ADAM18: variants seen among roughly 807,000 people sequenced by gnomAD.
ADAM18 encodes the protein disintegrin and metalloproteinase domain-containing protein 18.
Under a neutral mutation model 94.4 loss-of-function variants are expected in ADAM18, and 117 were observed. The ratio of observed to expected loss-of-function variants is 1.24; its 90% CI spans 1.07 to 1.45. ADAM18 has a LOEUF of 1.45. ADAM18 is among the 40% of genes most tolerant of loss of function. The pLI, the probability that ADAM18 is intolerant of heterozygous loss-of-function variation, is 0.00. For synonymous variants in ADAM18, 327 were observed against 291.6 expected, an observed-to-expected ratio of 1.12 and a Z score of -1.24; for missense variants, 936 against 880.0, an observed-to-expected ratio of 1.06 and a Z score of -0.81.
intron 12 of ADAM18, among the ~76,000 whole-genome samples, chr8:39,651,386 C>G (rs1311238736): frequency 7.2e-5 from 11 of 152,122 alleles, no homozygotes; most frequent in Non-Finnish European, 1.2e-4. Context: ...TGCCTTCCCA[C>G]GAGGCCATAT....
chr8:39,612,147 AG>A (rs964487780), intron 6 of ADAM18, among the ~76,000 whole-genome samples: 1 of 150,282 alleles, frequency 6.7e-6, no homozygotes, highest in African/African-American at 2.4e-5. Context: ...AAAAAAAGGG[AG>A]GGAGGAGAGC....
At chr8:39,668,227 C>T (rs372698607) in intron 14 of ADAM18, 31 bp downstream of exon 14, 1 of 1,601,748 alleles carries the variant, frequency 6.2e-7, no homozygotes, top group Non-Finnish European at 8.6e-7. Flanking sequence ...TTTATTTTAC[C>T]TTACATTTGC....
intron 19 of ADAM18, among the ~76,000 whole-genome samples, chr8:39,724,280 T>G (rs1822839940): frequency 6.6e-6 from 1 of 151,836 alleles, no homozygotes; most frequent in Non-Finnish European, 1.5e-5. Flanking sequence ...CTGTTCTTTA[T>G]TAAGTCATGT....
At chr8:39,590,308 C>A (rs1425380206) in intron 2 of ADAM18, among the ~76,000 whole-genome samples, 1 of 151,986 alleles carries the variant, frequency 6.6e-6, no homozygotes, top group Non-Finnish European at 1.5e-5. Context: ...AATTGGAAAT[C>A]ATCATTCTCA....
At chr8:39,712,017 C>T (rs578035092) in intron 18 of ADAM18, among the ~76,000 whole-genome samples, 1 of 142,406 alleles carries the variant, frequency 7.0e-6, no homozygotes, top group Non-Finnish European at 1.5e-5. Context: ...AAATGGTCAA[C>T]TAAAATCAGA....
chr8:39,671,755 G>A (rs192411631), intron 14 of ADAM18, among the ~76,000 whole-genome samples: 115 of 152,134 alleles, frequency 7.6e-4, no homozygotes, highest in African/African-American at 2.3e-3. Context: ...GCTATCCTTC[G>A]TGGCCACTAG....
intron 2 of ADAM18, among the ~76,000 whole-genome samples, chr8:39,585,721 A>C (rs904414525): frequency 2.6e-5 from 4 of 152,244 alleles, no homozygotes; most frequent in African/African-American, 9.6e-5. Flanking sequence ...AAATTTAGAC[A>C]TGCAAAATTT....
chr8:39,610,747 T>C (rs745481759), intron 6 of ADAM18, 41 bp downstream of exon 6: 7 of 1,571,018 alleles, frequency 4.5e-6, no homozygotes, highest in Admixed American at 3.7e-5. Context: ...ACTAGAACAT[T>C]GCCTGTGTAG....
At chr8:39,695,752 T>C (rs1315571328) in intron 17 of ADAM18, among the ~76,000 whole-genome samples, 1 of 151,376 alleles carries the variant, frequency 6.6e-6, no homozygotes, top group Non-Finnish European at 1.5e-5. Context: ...TGTTGTATCA[T>C]GTAGCAAAAT....
chr8:39,666,079 C>T (rs1820987350), intron 13 of ADAM18, among the ~76,000 whole-genome samples: 1 of 152,022 alleles, frequency 6.6e-6, no homozygotes, highest in African/African-American at 2.4e-5. Context: ...GCTCTGCTGC[C>T]CAGACTGGAG....
intron 2 of ADAM18, among the ~76,000 whole-genome samples, chr8:39,597,880 A>G (rs2129458198): frequency 6.6e-6 from 1 of 152,336 alleles, no homozygotes; most frequent in South Asian, 2.1e-4. Flanking sequence ...GGAAATAACT[A>G]ATGTCTTAAT....
At chr8:39,603,646 T>G (rs150193051) in intron 2 of ADAM18, among the ~76,000 whole-genome samples, 3 of 152,242 alleles carry the variant, frequency 2.0e-5, no homozygotes, top group African/African-American at 7.2e-5. Flanking sequence ...GGTTTGGAAA[T>G]AAACCTGCAA....
chr8:39,639,095 A>G (rs1820165574), intron 10 of ADAM18, among the ~76,000 whole-genome samples: 1 of 151,922 alleles, frequency 6.6e-6, no homozygotes, highest in Admixed American at 6.6e-5. Context: ...ATTTCTTTTC[A>G]AAGAAAAGTT....
At chr8:39,662,416 A>G (rs1191525383) in intron 12 of ADAM18, among the ~76,000 whole-genome samples, 1 of 152,178 alleles carries the variant, frequency 6.6e-6, no homozygotes, top group Non-Finnish European at 1.5e-5. Context: ...TTACATGCAT[A>G]CATATGAAAA....
At chr8:39,677,745 A>G (rs1821338779) in intron 15 of ADAM18, among the ~76,000 whole-genome samples, 1 of 152,182 alleles carries the variant, frequency 6.6e-6, no homozygotes, top group African/African-American at 2.4e-5. Flanking sequence ...AAAGGCTAAT[A>G]CTTAGTAACA....
At chr8:39,700,107 A>G (rs1822022885) in intron 17 of ADAM18, among the ~76,000 whole-genome samples, 1 of 152,164 alleles carries the variant, frequency 6.6e-6, no homozygotes, top group African/African-American at 2.4e-5. Context: ...CTACAATGTG[A>G]TTTTTCTTAA....
intron 13 of ADAM18, among the ~76,000 whole-genome samples, chr8:39,667,768 A>C (rs181534155): frequency 3.9e-5 from 6 of 152,332 alleles, no homozygotes; most frequent in Admixed American, 3.9e-4. Context: ...GGAGGTGAGC[A>C]GCTGCAAACT....
At chr8:39,709,477 T>C (rs1368787854) in intron 18 of ADAM18, among the ~76,000 whole-genome samples, 1 of 152,200 alleles carries the variant, frequency 6.6e-6, no homozygotes, top group Non-Finnish European at 1.5e-5. Context: ...AGTTCTCACT[T>C]TGGGCTGCAG....
chr8:39,624,279 C>T (rs1388383946), intron 6 of ADAM18, among the ~76,000 whole-genome samples: 2 of 152,120 alleles, frequency 1.3e-5, no homozygotes, highest in Non-Finnish European at 2.9e-5. Flanking sequence ...TTTATGGTTT[C>T]AGGTGTTAAA....
Sources: gnomAD v4.1 joint callset for allele counts (sites outside exome capture counted in the v4.1 genomes callset) on GRCh38, gnomAD v4.1.1 for gene constraint, MANE v1.5 for transcripts, NCBI Gene and HGNC (gene_info 2026-07-23, HGNC 2026-07-21) for gene names.